CAMTA1: variants seen among roughly 807,000 people sequenced by gnomAD.
CAMTA1 encodes the protein calmodulin binding transcription activator 1, also known as calmodulin-binding transcription activator 1.
In CAMTA1, 27 loss-of-function variants were observed where a neutral mutation model predicts 170.9. The observed-to-expected ratio is 0.16, with a 90% CI of 0.12 to 0.22. The LOEUF is 0.22. CAMTA1 is among the 10% of genes least tolerant of loss of function. CAMTA1 has a pLI of 1.00. For synonymous variants in CAMTA1, 833 were observed against 891.5 expected, an observed-to-expected ratio of 0.93 and a Z score of 1.17; for missense variants, 1,619 against 2,217.2, an observed-to-expected ratio of 0.73 and a Z score of 5.42.
chr1:7,472,950 C>G (rs2093359128), intron 6 of CAMTA1, among the ~76,000 whole-genome samples: 1 of 152,194 alleles, frequency 6.6e-6, no homozygotes, highest in African/African-American at 2.4e-5. Flanking sequence ...TTGCCTTTAC[C>G]TGGGACTCAC....
chr1:6,942,076 T>C (rs1686737097), intron 3 of CAMTA1, among the ~76,000 whole-genome samples: 1 of 108,614 alleles, frequency 9.2e-6, no homozygotes, highest in African/African-American at 2.9e-5. Flanking sequence ...TTTTCTTTTT[T>C]CTTTTTTTTT....
At chr1:7,142,984 T>G (rs1645974542) in intron 4 of CAMTA1, among the ~76,000 whole-genome samples, 2 of 152,222 alleles carry the variant, frequency 1.3e-5, no homozygotes, top group African/African-American at 2.4e-5. Context: ...CTGTCTCAGT[T>G]TCTCCAGTCT....
intron 3 of CAMTA1, among the ~76,000 whole-genome samples, chr1:6,868,986 A>G (rs991449474): frequency 6.6e-6 from 1 of 152,200 alleles, no homozygotes; most frequent in Non-Finnish European, 1.5e-5. Flanking sequence ...GACAAGCTGT[A>G]ATGTAAAAAG....
chr1:7,741,941 G>T (rs1294441661), intron 16 of CAMTA1, among the ~76,000 whole-genome samples: 1 of 101,524 alleles, frequency 9.8e-6, no homozygotes, highest in East Asian at 2.4e-4. Context: ...CCGGCCTCGG[G>T]TTGTTTTTTT....
intron 5 of CAMTA1, among the ~76,000 whole-genome samples, chr1:7,452,209 G>A (rs929200951): frequency 5.3e-5 from 8 of 152,118 alleles, no homozygotes; most frequent in Non-Finnish European, 1.0e-4. Flanking sequence ...ACTCACGGGG[G>A]GTCTGTGTCT....
At chr1:6,808,772 C>T (rs542333432) in intron 1 of CAMTA1, among the ~76,000 whole-genome samples, 9 of 152,234 alleles carry the variant, frequency 5.9e-5, no homozygotes, top group South Asian at 2.1e-4. Flanking sequence ...GGACTAGAGT[C>T]GGGAGAAAAT....
At chr1:7,197,850 C>T (rs1345105103) in intron 4 of CAMTA1, among the ~76,000 whole-genome samples, 2 of 151,928 alleles carry the variant, frequency 1.3e-5, no homozygotes, top group African/African-American at 2.4e-5. Flanking sequence ...TGCCCCTTTT[C>T]GGGACACTGG....
At chr1:7,267,501 G>A (rs909162888) in intron 5 of CAMTA1, among the ~76,000 whole-genome samples, 1 of 152,130 alleles carries the variant, frequency 6.6e-6, no homozygotes, top group African/African-American at 2.4e-5. Flanking sequence ...GGGACTAAGA[G>A]GGCCCCTGTA....
intron 11 of CAMTA1, among the ~76,000 whole-genome samples, chr1:7,705,135 T>A (rs1356939896): frequency 6.8e-6 from 1 of 147,932 alleles, no homozygotes; most frequent in African/African-American, 2.5e-5. Context: ...GTGCGCGCGT[T>A]TCTGGCGCGA....
chr1:7,707,310 T>G lies in CAMTA1; in HGVS notation c.2915-25138T>G, dbSNP rs539315441. 2.0e-5 allele frequency among the ~76,000 whole-genome samples: 3 copies of G among 152,330 alleles called. No homozygotes were observed. In the South Asian group the frequency reaches 6.2e-4, roughly 32 times the overall value. ...GTGAATAACAAGTGGAACTGAGTAT[T>G]ATTTACTTAATATGAGAAAGATAGC... On this transcript the variant is annotated intron_variant, in intron 11 of 22. Transcript: ENST00000303635.
chr1:6,798,868 T>C (rs1288546906), intron 1 of CAMTA1, among the ~76,000 whole-genome samples: 4 of 151,952 alleles, frequency 2.6e-5, no homozygotes, highest in Non-Finnish European at 5.9e-5. Context: ...AGTGCTCGGA[T>C]TACAGACGTT....
intron 3 of CAMTA1, among the ~76,000 whole-genome samples, chr1:6,863,910 C>T (rs1368673001): frequency 6.6e-6 from 1 of 152,164 alleles, no homozygotes; most frequent in Non-Finnish European, 1.5e-5. Context: ...ATTAGACTGA[C>T]AGTTTGTTAG....
At position 7,028,182 on chromosome 1, in the gene CAMTA1, G is replaced by A. The variant is rs1226930330; in HGVS notation, c.235-63122G>A. On this transcript the variant is annotated intron_variant, in intron 3 of 22. Coordinates refer to ENST00000303635, the MANE Select transcript of CAMTA1 (RefSeq NM_015215.4). ...AGCCTCCCAAAGTGCTGGGATTACA[G>A]GCGTGTGCCACTGCCTGAAATATTC... Among the ~76,000 whole-genome samples the A allele has an allele frequency of 3.9e-5, 6 of 152,184 alleles. 1 individual carries two copies. Among genetic ancestry groups the A allele is most frequent in the Non-Finnish European group, 8.8e-5 (6 of 68,030 alleles).
chr1:7,656,025 TC>T (rs2095900195), intron 7 of CAMTA1, among the ~76,000 whole-genome samples: 1 of 152,216 alleles, frequency 6.6e-6, no homozygotes, highest in Non-Finnish European at 1.5e-5. Flanking sequence ...GGATTCTTTT[TC>T]TTCGCCCTTC....
intron 6 of CAMTA1, among the ~76,000 whole-genome samples, chr1:7,581,893 G>T (rs1378040718): frequency 6.6e-6 from 1 of 152,206 alleles, no homozygotes; most frequent in Non-Finnish European, 1.5e-5. Flanking sequence ...CAGAGGGCAG[G>T]AATGTGTCTG....
intron 4 of CAMTA1, among the ~76,000 whole-genome samples, chr1:7,106,632 G>A (rs551731784): frequency 2.0e-5 from 3 of 152,124 alleles, no homozygotes; most frequent in East Asian, 1.9e-4. Flanking sequence ...GTAGTGGAGC[G>A]CTTGGGAGTA....
intron 3 of CAMTA1, among the ~76,000 whole-genome samples, chr1:6,866,013 T>A (rs534923059): frequency 6.6e-6 from 1 of 152,358 alleles, no homozygotes; most frequent in African/African-American, 2.4e-5. Context: ...TAAGCTATTA[T>A]CAACTTGAAT....
At position 7,745,001 on chromosome 1, in the gene CAMTA1, T is replaced by G. The variant is rs756390412; in HGVS notation, c.4349T>G (p.Leu1450Arg). The G allele has an allele frequency of 1.2e-6, 2 of 1,613,588 alleles. No homozygotes were observed. The highest frequency in any genetic ancestry group is 2.7e-5 in the African/African-American group (2 of 74,920). ...AGTTATCTAGCGGATGCTGACTGCC[T>G]TCCCAGTGCTGCCCAGATCCGGTGA... Reference protein sequence around the residue: ...LASYLADADCLPSAAQIRSAY... With the variant: ...LASYLADADCRPSAAQIRSAY... The change falls in exon 17 of 23, where the codon CTT (leucine) becomes CGT (arginine). Residue 1450 changes from leucine to arginine, a missense_variant. Around this residue, in one of 8 missense-constraint regions of CAMTA1, gnomAD observed 370 missense variants for 429.4 expected, o/e 0.86. Transcript: ENST00000303635.
chr1:6,980,955 T>C lies in CAMTA1; in HGVS notation c.235-110349T>C, dbSNP rs149296847. Among the ~76,000 whole-genome samples, 347 of 152,146 alleles carry C rather than the reference T, an allele frequency of 2.3e-3. 6 individuals carry two copies. The highest frequency in any genetic ancestry group is 5.0e-3 in the East Asian group (26 of 5,184). ...AGCCTTGGGCTTCCTTTGCTGTCAC[T>C]GGGTGTGTGGTTCCCTCATCGGAAA... On this transcript the variant is annotated intron_variant, in intron 3 of 22. Coordinates refer to ENST00000303635, the MANE Select transcript of CAMTA1 (RefSeq NM_015215.4).
Sources: gnomAD v4.1 joint callset for allele counts (sites outside exome capture counted in the v4.1 genomes callset) on GRCh38, gnomAD v4.1.1 for gene constraint, gnomAD v4.1.1 regional missense constraint, MANE v1.5 for transcripts, NCBI Gene and HGNC (gene_info 2026-07-23, HGNC 2026-07-21) for gene names.